PNPLA7: variants seen among roughly 807,000 people sequenced by gnomAD.
PNPLA7 encodes the protein patatin like domain 7, lysophospholipase.
In PNPLA7, 153 loss-of-function variants were observed where a neutral mutation model predicts 161.7. The ratio of observed to expected loss-of-function variants is 0.95; its 90% CI spans 0.83 to 1.08. The LOEUF (loss-of-function observed/expected upper bound fraction) is 1.08, where lower values mean the gene tolerates loss of function less well. Ranked by LOEUF, PNPLA7 falls within the 50% of genes least tolerant of loss-of-function variation. The pLI is 0.00. For synonymous variants in PNPLA7, 809 were observed against 782.1 expected (o/e 1.03, Z -0.57); for missense variants, 1,739 against 1,856.6 (o/e 0.94, Z 1.16).
intron 20 of PNPLA7, chr9:137,491,585 TC>T (rs1302749053): frequency 1.5e-5 from 15 of 985,200 alleles, no homozygotes; most frequent in Non-Finnish European, 1.8e-5. Flanking sequence ...CGTGTTAGTG[TC>T]CCCCCAAATT....
rs1832031062 is a variant in PNPLA7, at chr9:137,478,165, C to A, written c.2764-13G>T. On this transcript the variant is annotated splice_polypyrimidine_tract_variant and intron_variant, in intron 24 of 34. Transcript: ENST00000406427. ...TGTACATCTCCACCTGGGGGAGGAG[C>A]CGTCAGGCAGGGCTGGTGCAGGGCC... The A allele has an allele frequency of 7.8e-7, 1 of 1,283,984 alleles. No homozygotes were observed. The highest frequency in any genetic ancestry group is 9.9e-7 in the Non-Finnish European group (1 of 1,005,558). The allele number at this position is 1,283,984 out of a possible 1,614,324, so 79.5% of individuals were successfully genotyped here. A position where few individuals can be genotyped will look rare whatever the true frequency, so the allele number is the denominator to read the frequency against.
chr9:137,503,174 G>C (rs1588621824), intron 14 of PNPLA7, among the ~76,000 whole-genome samples: 2 of 152,026 alleles, frequency 1.3e-5, no homozygotes, highest in South Asian at 4.1e-4. Flanking sequence ...TAGAGGCTAG[G>C]AGTTCAAGAC....
chr9:137,524,350 C>A lies in PNPLA7; in HGVS notation c.748-1493G>T, dbSNP rs1490068552. Among the ~76,000 whole-genome samples the A allele has an allele frequency of 6.6e-6, 1 of 150,612 alleles. No homozygotes were observed. Among genetic ancestry groups the A allele is most frequent in the African/African-American group, 2.4e-5 (1 of 40,882 alleles). ...GTCCATTCAGCAGTCGAGATTCCCC[C>A]ACGGTGGCGCGTCTGCCAGAGGCCT... On this transcript the variant is annotated intron_variant, in intron 8 of 34. Coordinates refer to ENST00000406427, the MANE Select transcript of PNPLA7 (RefSeq NM_001098537.3). The surrounding 1 kb of genome is among the most constrained non-coding windows in gnomAD (Gnocchi z 4.4).
rs746986159 is a variant in PNPLA7, at chr9:137,547,677, G to A, written c.31-18C>T. The stretch of plus-strand genomic sequence containing the variant: ...AAGTCAGCCTGCAGCAGAGAGCATG[G>A]GGTCAGGTGGGCATGGACAGGCTTC... On this transcript the variant is annotated intron_variant, in intron 1 of 34. Transcript: ENST00000406427. This position sits in a 1 kb window ranked among gnomAD's most constrained non-coding sequence, Gnocchi z 4.6. The A allele has an allele frequency of 1.5e-5, 24 of 1,612,164 alleles. No individual in the cohort carries two copies. The highest frequency in any genetic ancestry group is 2.7e-5 in the African/African-American group (2 of 74,924).
chr9:137,537,935 G>A lies in PNPLA7; in HGVS notation c.747+2707C>T, dbSNP rs982748735. Among the ~76,000 whole-genome samples, 10 of 152,212 alleles carry A rather than the reference G, an allele frequency of 6.6e-5. No individual in the cohort carries two copies. The highest frequency in any genetic ancestry group is 2.2e-4 in the African/African-American group (9 of 41,438). On this transcript the variant is annotated intron_variant, in intron 8 of 34. Transcript: ENST00000406427. The surrounding 1 kb of genome is among the most constrained non-coding windows in gnomAD (Gnocchi z 4.5). ...AGGTCGCATACAGATGCCCCGTGCT[G>A]AACGGGTTTACGTCCACGTAGACCA...
intron 8 of PNPLA7, among the ~76,000 whole-genome samples, chr9:137,528,330 G>A (rs1414330169): frequency 1.3e-5 from 2 of 152,112 alleles, no homozygotes; most frequent in African/African-American, 4.8e-5. Flanking sequence ...AGAAGCTTGG[G>A]TCACTGATCT....
At chr9:137,471,035 A>G (rs1831678658) in intron 25 of PNPLA7, among the ~76,000 whole-genome samples, 1 of 152,234 alleles carries the variant, frequency 6.6e-6, no homozygotes, top group Non-Finnish European at 1.5e-5. Flanking sequence ...TGCGCCCACC[A>G]CGTCTATCCA....
chr9:137,535,752 C>CA (rs60744369), intron 8 of PNPLA7, among the ~76,000 whole-genome samples: 7,510 of 99,062 alleles, frequency 0.076, 246 homozygotes, highest in African/African-American at 0.13. Context: ...GACCCCGTCT[C>CA]AAAAAAAAAA....
intron 12 of PNPLA7, among the ~76,000 whole-genome samples, chr9:137,513,124 C>T (rs1834325037): frequency 6.6e-6 from 1 of 152,136 alleles, no homozygotes; most frequent in Non-Finnish European, 1.5e-5. Context: ...TGAATTTCTT[C>T]CCTCATTCTT....
At chr9:137,549,053 C>T (rs1836700036) in intron 1 of PNPLA7, among the ~76,000 whole-genome samples, 1 of 152,264 alleles carries the variant, frequency 6.6e-6, no homozygotes, top group African/African-American at 2.4e-5. Flanking sequence ...ACGCGATGGC[C>T]CGTGACCTGG....
chr9:137,535,521 G>C (rs1348527587), intron 8 of PNPLA7, among the ~76,000 whole-genome samples: 1 of 152,132 alleles, frequency 6.6e-6, no homozygotes, highest in African/African-American at 2.4e-5. Flanking sequence ...TTGGGAGGCC[G>C]AGGCAGGCGG....
intron 12 of PNPLA7, among the ~76,000 whole-genome samples, chr9:137,506,478 A>G (rs1039056755): frequency 7.2e-5 from 11 of 152,066 alleles, no homozygotes; most frequent in African/African-American, 2.4e-4. Flanking sequence ...CTTGCTGTCC[A>G]TCTCAGGGAT....
Position 137,499,138 on chromosome 9 carries a change from A to G in PNPLA7, c.1758-893T>C, listed in dbSNP as rs1833235950. On this transcript the variant is annotated intron_variant, in intron 16 of 34. Transcript: ENST00000406427. The surrounding 1 kb of genome is among the most constrained non-coding windows in gnomAD (Gnocchi z 5.5). The stretch of plus-strand genomic sequence containing the variant: ...CAGGCAGACACACAGACACACACAG[A>G]CACACGGAGACAGAGACACTCGCAG... Among the ~76,000 whole-genome samples the G allele has an allele frequency of 6.6e-6, 1 of 151,910 alleles. No individual in the cohort carries two copies. The highest frequency in any genetic ancestry group is 6.6e-5 in the Admixed American group (1 of 15,250).
Position 137,523,463 on chromosome 9 carries a change from G to A in PNPLA7, c.748-606C>T, listed in dbSNP as rs1489787004. On this transcript the variant is annotated intron_variant, in intron 8 of 34. Coordinates refer to ENST00000406427, the MANE Select transcript of PNPLA7 (RefSeq NM_001098537.3). The surrounding 1 kb of genome is among the most constrained non-coding windows in gnomAD (Gnocchi z 4.4). The stretch of plus-strand genomic sequence containing the variant: ...GAAAGAGCCCAGGAAAAGCCCCAGT[G>A]AGTGACGTGGTTTCCATCTTCTAGA... 1.3e-5 allele frequency among the ~76,000 whole-genome samples: 2 copies of A among 152,346 alleles called. No individual in the cohort carries two copies. The highest frequency in any genetic ancestry group is 2.9e-5 in the Non-Finnish European group (2 of 68,032).
In PNPLA7 at chr9:137,486,140, A is replaced by G. The variant is rs1038151460; in HGVS notation, c.2198-1404T>C. 2.0e-5 allele frequency among the ~76,000 whole-genome samples: 3 copies of G among 151,930 alleles called. No homozygotes were observed. The highest frequency in any genetic ancestry group is 4.4e-5 in the Non-Finnish European group (3 of 67,964). ...CCCGTCCCCAGTGAGGTGGCTTCCA[A>G]AATCCACCAGACACGCAGGTCCTGA... On this transcript the variant is annotated intron_variant, in intron 20 of 34. Coordinates refer to ENST00000406427, the MANE Select transcript of PNPLA7 (RefSeq NM_001098537.3). This position sits in a 1 kb window ranked among gnomAD's most constrained non-coding sequence, Gnocchi z 6.0.
chr9:137,464,536 C>T, intron 26 of PNPLA7, 80 bp from the exon 27 acceptor site: 1 of 1,303,968 alleles, frequency 7.7e-7, no homozygotes, highest in South Asian at 1.2e-5. Flanking sequence ...GTGCTGAGGG[C>T]CTCTCATGAA....
intron 18 of PNPLA7, among the ~76,000 whole-genome samples, 158 bp downstream of exon 18, chr9:137,497,029 G>C (rs868608321): frequency 2.6e-5 from 4 of 152,232 alleles, no homozygotes; most frequent in Middle Eastern, 3.2e-3. Context: ...GGCAGAGCCC[G>C]GGGCTCACAG....
chr9:137,460,276 G>C lies in PNPLA7; in HGVS notation c.*117C>G. 9.5e-7 allele frequency: 1 copy of C among 1,056,812 alleles called. No individual in the cohort carries two copies. The highest frequency in any genetic ancestry group is 1.4e-6 in the Non-Finnish European group (1 of 737,180). 65.5% of individuals were successfully genotyped at this position (1,056,812 alleles called of 1,614,324 possible). On this transcript the variant is annotated 3_prime_UTR_variant, in exon 35 of 35. Transcript: ENST00000406427. ...GAACCCTAACACAGCCTGGGGCCCC[G>C]GGGAAGTCAGGGCTTCCAGCAGGGC...
rs1564346870 is a variant in PNPLA7, at chr9:137,520,157, T to C, written c.958-114A>G. The C allele has an allele frequency of 6.8e-7, 1 of 1,466,228 alleles. No homozygotes were observed. Among genetic ancestry groups the C allele is most frequent in the Non-Finnish European group, 9.2e-7 (1 of 1,086,476 alleles). The allele number at this position is 1,466,228 out of a possible 1,614,324, so 90.8% of individuals were successfully genotyped here. On this transcript the variant is annotated intron_variant, in intron 10 of 34. Transcript: ENST00000406427. The surrounding 1 kb of genome is among the most constrained non-coding windows in gnomAD (Gnocchi z 5.2). The stretch of plus-strand genomic sequence containing the variant: ...GGGCTCCTCAAAGGTGTGACAGGTG[T>C]GGGCCCCTCAAAGGTGTGACAGGTG...
Sources: allele counts gnomAD v4.1 joint callset (sites outside exome capture counted in the v4.1 genomes callset), GRCh38; gene constraint gnomAD v4.1.1; non-coding constraint Gnocchi (gnomAD v3.1); transcripts MANE v1.5; gene names NCBI Gene and HGNC (gene_info 2026-07-23, HGNC 2026-07-21).